The following ZNF644 variants were observed in gnomAD, a reference collection of about 807,000 sequenced individuals.
The protein encoded by ZNF644 is zinc finger protein 644.
A neutral mutation model predicts 108.0 loss-of-function variants in ZNF644; 20 were observed. That is an observed-to-expected ratio of 0.19 (90% CI 0.13 to 0.27). The LOEUF is 0.27. Among genes scored for constraint, ZNF644 ranks in the 10% least tolerant of loss-of-function variants. The pLI, the probability that ZNF644 is intolerant of heterozygous loss-of-function variation, is 1.00. For missense variants in ZNF644, 1,338 were observed against 1,548.9 expected (o/e 0.86, Z 2.29); for synonymous variants, 542 against 539.1 (o/e 1.01, Z -0.08).
chr1:90,916,920 T>C lies in ZNF644; in HGVS notation c.3862A>G (p.Ile1288Val), dbSNP rs201792583. 1.9e-4 allele frequency: 301 copies of C among 1,614,036 alleles called. No individual in the cohort carries two copies. The highest frequency in any genetic ancestry group is 2.4e-4 in the Non-Finnish European group (286 of 1,180,046). ...GTCCGTGGAAGATTAGCGTTTACAA[T>C]ATGTCGTTGTAAGTGCTTAATCCAG... ...EDWIKHLQRH[I>V]VNANLPRTGA... is the part of the protein sequence containing the mutation. Residue 1288 changes from isoleucine (I) to valine (V), a missense_variant, in exon 6 of 6, where the codon ATT (isoleucine) becomes GTT (valine). Ile to Val is a conservative substitution (Grantham distance 29, BLOSUM62 3). This residue lies in a region of ZNF644 where 34 missense variants were observed against 78.6 expected (regional missense o/e 0.43). Transcript: ENST00000337393.
At position 90,935,867 on chromosome 1, in the gene ZNF644, G is replaced by A. The variant is rs147528944; in HGVS notation, c.3688+1618C>T. 2.7e-3 allele frequency among the ~76,000 whole-genome samples: 406 copies of A among 152,156 alleles called. 2 individuals are homozygous for A. Among genetic ancestry groups the A allele is most frequent in the African/African-American group, 9.3e-3 (388 of 41,526 alleles). ...TACAATCCTGTGATTTGAACAACAC[G>A]GTTCTGTTGAGAAGTTTCAAAGCTT... On this transcript the variant is annotated intron_variant, in intron 4 of 5. Coordinates refer to ENST00000337393, the MANE Select transcript of ZNF644 (RefSeq NM_201269.3).
Position 90,926,837 on chromosome 1 carries a change from T to C in ZNF644, c.3689-8683A>G, listed in dbSNP as rs146858891. 4.9e-3 allele frequency among the ~76,000 whole-genome samples: 752 copies of C among 152,262 alleles called. 5 individuals carry two copies. Among genetic ancestry groups the C allele is most frequent in the African/African-American group, 0.017 (712 of 41,544 alleles). ...TTAAAATGATCTACCCTGCAATTTT[T>C]CCTCCTCTCTGCCAAATCCTTTATT... On this transcript the variant is annotated intron_variant, in intron 4 of 5. Transcript: ENST00000337393.
chr1:90,990,965 TTCA>T (rs1657578083), intron 1 of ZNF644, among the ~76,000 whole-genome samples: 1 of 152,286 alleles, frequency 6.6e-6, no homozygotes, highest in Admixed American at 6.5e-5. Context: ...GATGAATATA[TTCA>T]TCATCCTGTT....
At position 90,939,137 on chromosome 1, in the gene ZNF644, C is replaced by A; in HGVS notation, c.2217G>T (p.Leu739Phe). 6.2e-7 allele frequency: 1 copy of A among 1,613,806 alleles called. No homozygotes were observed. Among genetic ancestry groups the A allele is most frequent in the Non-Finnish European group, 8.5e-7 (1 of 1,179,906 alleles). ...KSNAKANSHY[L>F]YRHKYENYRM... ...TATAGTTTTCATATTTGTGTCTATA[C>A]AAATAGTGGCTATTTGCCTTGGCAT... Residue 739 changes from leucine (L) to phenylalanine (F), a missense_variant, in exon 3 of 6, where the codon TTG (leucine) becomes TTT (phenylalanine). Transcript: ENST00000337393.
intron 1 of ZNF644, among the ~76,000 whole-genome samples, chr1:90,982,671 C>A (rs796417558): frequency 6.6e-6 from 1 of 151,750 alleles, no homozygotes; most frequent in Non-Finnish European, 1.5e-5. Context: ...AATAGTATGG[C>A]AATGGCAATA....
chr1:90,930,517 C>G (rs1650612045), intron 4 of ZNF644, among the ~76,000 whole-genome samples: 5 of 152,152 alleles, frequency 3.3e-5, no homozygotes. Flanking sequence ...TAAGATACTA[C>G]TACCATTGGT....
At position 90,941,122 on chromosome 1, in the gene ZNF644, G is replaced by A; in HGVS notation, c.232C>T (p.Leu78=). The change falls in exon 3 of 6, where the codon CTG becomes TTG. Residue 78 remains leucine (L), a synonymous_variant. Coordinates refer to ENST00000337393, the MANE Select transcript of ZNF644 (RefSeq NM_201269.3). ...KNNTLTLPEE[L]SKDKSENALS... ...GCGTTTTCAGATTTGTCCTTTGACA[G>A]TTCTTCAGGCAGAGTCAACGTATTA... The A allele has an allele frequency of 6.2e-7, 1 of 1,614,070 alleles. No individual in the cohort carries two copies. The highest frequency in any genetic ancestry group is 2.2e-5 in the East Asian group (1 of 44,874).
chr1:90,918,210 C>T (rs1185514126), intron 4 of ZNF644, 56 bp from the exon 5 acceptor site: 3 of 1,414,782 alleles, frequency 2.1e-6, no homozygotes, highest in South Asian at 2.3e-5. Context: ...AATATACATA[C>T]ACACATATTT....
chr1:90,944,630 C>G (rs905173736), intron 2 of ZNF644, among the ~76,000 whole-genome samples: 1 of 151,326 alleles, frequency 6.6e-6, no homozygotes, highest in Admixed American at 6.6e-5. Context: ...TGATTAGATA[C>G]AACCTTCCTG....
chr1:91,017,536 A>G (rs1660533379), intron 1 of ZNF644, among the ~76,000 whole-genome samples: 1 of 152,254 alleles, frequency 6.6e-6, no homozygotes. Flanking sequence ...CCTCCTGGAA[A>G]GTTACTCTCA....
At chr1:91,021,765 C>T (rs1660958508) in intron 1 of ZNF644, 3 of 347,824 alleles carry the variant, frequency 8.6e-6, no homozygotes, top group Non-Finnish European at 1.5e-5. Context: ...TTGTGTAGCA[C>T]CAACTCCGCC....
intron 1 of ZNF644, among the ~76,000 whole-genome samples, chr1:90,997,684 C>T (rs1453602594): frequency 6.6e-6 from 1 of 152,146 alleles, no homozygotes; most frequent in Non-Finnish European, 1.5e-5. Context: ...GGGTTCATCT[C>T]ACTGGGGAGT....
chr1:90,954,075 T>C (rs1410550711), intron 2 of ZNF644, among the ~76,000 whole-genome samples: 1 of 152,206 alleles, frequency 6.6e-6, no homozygotes, highest in Non-Finnish European at 1.5e-5. Context: ...TTGGGGTGGC[T>C]GTGGCAACTT....
In ZNF644 at chr1:90,937,718, T is replaced by C. The variant is rs1028393297; in HGVS notation, c.3455A>G (p.Glu1152Gly). 3.1e-6 allele frequency: 5 copies of C among 1,613,812 alleles called. No homozygotes were observed. The highest frequency in any genetic ancestry group is 3.4e-6 in the Non-Finnish European group (4 of 1,179,900). The change falls in exon 4 of 6, where the codon GAA (glutamate) becomes GGA (glycine). Residue 1152 changes from glutamate (E) to glycine (G), a missense_variant. Coordinates refer to ENST00000337393, the MANE Select transcript of ZNF644 (RefSeq NM_201269.3). ...CAGTTCTGGTTTTGTTTCATCATAT[T>C]CATTTAAGAAATTCAGCCCTTCTTC... is the stretch of plus-strand genomic sequence containing the variant. Reference protein sequence around the residue: ...SEEEGLNFLNEYDETKPELPS... With the variant: ...SEEEGLNFLNGYDETKPELPS...
intron 1 of ZNF644, among the ~76,000 whole-genome samples, chr1:90,987,404 T>G (rs1657214139): frequency 6.6e-6 from 1 of 151,532 alleles, no homozygotes; most frequent in Non-Finnish European, 1.5e-5. Context: ...TTATGAACAA[T>G]TATACATCAA....
chr1:90,966,477 G>A (rs945127351), intron 2 of ZNF644, among the ~76,000 whole-genome samples: 5 of 151,940 alleles, frequency 3.3e-5, no homozygotes, highest in East Asian at 1.9e-4. Context: ...GGCCAGGTGC[G>A]GGTGGCTCAT....
At chr1:90,935,702 T>C (rs1169158387) in intron 4 of ZNF644, among the ~76,000 whole-genome samples, 1 of 152,196 alleles carries the variant, frequency 6.6e-6, no homozygotes, top group East Asian at 1.9e-4. Context: ...AGTTTGTAGT[T>C]AGTATTTAGA....
At chr1:90,973,024 G>A (rs552188775) in intron 2 of ZNF644, 4 of 152,118 alleles carry the variant, frequency 2.6e-5, no homozygotes, top group Admixed American at 2.0e-4. Context: ...GAAGATGGAT[G>A]GTGGTGATGA....
At chr1:91,003,803 T>C (rs1406855718) in intron 1 of ZNF644, among the ~76,000 whole-genome samples, 1 of 152,000 alleles carries the variant, frequency 6.6e-6, no homozygotes, top group Non-Finnish European at 1.5e-5. Flanking sequence ...AACAAGACAA[T>C]GTTTTAAAAT....
Sources: gnomAD v4.1 joint callset for allele counts (sites outside exome capture counted in the v4.1 genomes callset) on GRCh38, gnomAD v4.1.1 for gene constraint, gnomAD v4.1.1 regional missense constraint, MANE v1.5 for transcripts, NCBI Gene and HGNC (gene_info 2026-07-23, HGNC 2026-07-21) for gene names.